The following USP9X variants were observed in gnomAD, a reference collection of about 807,000 sequenced individuals.
USP9X encodes ubiquitin specific peptidase 9 X-linked, also known as ubiquitin carboxyl-terminal hydrolase 9X.
A neutral mutation model predicts 190.3 loss-of-function variants in USP9X; 7 were observed. That is an observed-to-expected ratio of 0.04 (90% CI 0.02 to 0.07). The LOEUF (loss-of-function observed/expected upper bound fraction) is 0.07. Among genes scored for constraint, USP9X ranks in the 10% least tolerant of loss-of-function variants. USP9X has a pLI of 1.00. For synonymous variants in USP9X, 645 were observed against 659.5 expected, an observed-to-expected ratio of 0.98 and a Z score of 0.34; for missense variants, 1,010 against 1,916.9, an observed-to-expected ratio of 0.53 and a Z score of 8.83.
intron 21 of USP9X, 127 bp downstream of exon 21, chrX:41,172,085 C>T (rs967355327): frequency 1.5e-6 from 1 of 681,553 alleles, no homozygotes; most frequent in South Asian, 5.5e-5. Flanking sequence ...TGACAGCCCA[C>T]AAGCCACATC....
chrX:41,157,928 AAG>A (rs973297721), intron 14 of USP9X, among the ~76,000 whole-genome samples: 3 of 112,102 alleles, frequency 2.7e-5, no homozygotes, highest in African/African-American at 9.7e-5. Flanking sequence ...GAGGATAGTA[AAG>A]AGAAATTATT....
At chrX:41,155,029 C>G (rs2062564551) in intron 14 of USP9X, among the ~76,000 whole-genome samples, 1 of 111,715 alleles carries the variant, frequency 9.0e-6, no homozygotes, top group South Asian at 3.7e-4. Context: ...GTTTTTGCCT[C>G]TATAATAAAA....
At chrX:41,170,408 T>A in intron 19 of USP9X, 62 bp from the exon 20 acceptor site, 1 of 1,156,092 alleles carries the variant, frequency 8.6e-7, no homozygotes. Flanking sequence ...TATCACTAAG[T>A]TTTGTGTTTT....
At chrX:41,133,341 T>C (rs961317240) in intron 4 of USP9X, among the ~76,000 whole-genome samples, 5 of 111,826 alleles carry the variant, frequency 4.5e-5, no homozygotes, top group African/African-American at 1.6e-4. Flanking sequence ...GAAAATATCT[T>C]TTTTTATTTT....
rs759623425 is a variant in USP9X, at chrX:41,161,635, C to CTTTTTTTTT, written c.1898-1140_1898-1132dup. Among the ~76,000 whole-genome samples the CTTTTTTTTT allele has an allele frequency of 4.0e-4, 19 of 47,406 alleles. 2 individuals carry two copies. Among genetic ancestry groups the CTTTTTTTTT allele is most frequent in the East Asian group, 1.4e-3 (2 of 1,383 alleles). The allele number at this position is 47,406 out of a possible 115,157, so 41.2% of individuals were successfully genotyped here. A position where few individuals can be genotyped will look rare whatever the true frequency, so the allele number is the denominator to read the frequency against. ...ACAGGCGTGAGCCATGGCGCCCTGC[C>CTTTTTTTTT]TTTTTTTTTTTTTTTTTTTTTTTAA... On this transcript the variant is annotated intron_variant, in intron 14 of 44. Coordinates refer to ENST00000378308, the MANE Select transcript of USP9X (RefSeq NM_001039591.3).
In USP9X at chrX:41,164,118, G is replaced by C. The variant is rs192460455; in HGVS notation, c.1985+1241G>C. 3.6e-5 allele frequency among the ~76,000 whole-genome samples: 4 copies of C among 111,271 alleles called. No individual in the cohort carries two copies. The East Asian group carries it at 1.1e-3, about 31-fold the overall frequency. On this transcript the variant is annotated intron_variant, in intron 15 of 44. Transcript: ENST00000378308. Reference sequence around the variant, plus strand: ...TATCTCTTGACCTCGTGATCTGCCCGCCTCGGTCCCCCAAAGTGCTGGTAT... The same window carrying C: ...TATCTCTTGACCTCGTGATCTGCCCCCCTCGGTCCCCCAAAGTGCTGGTAT...
At chrX:41,171,185 T>C (rs1378628297) in intron 20 of USP9X, among the ~76,000 whole-genome samples, 1 of 111,579 alleles carries the variant, frequency 9.0e-6, no homozygotes, top group Non-Finnish European at 1.9e-5. Context: ...GAACTATATA[T>C]GAGCTGGGCA....
At chrX:41,212,475 AG>A (rs2063174662) in intron 33 of USP9X, among the ~76,000 whole-genome samples, 2 of 106,445 alleles carry the variant, frequency 1.9e-5, no homozygotes, top group African/African-American at 3.4e-5. Context: ...AAAAAAAAAA[AG>A]CCTAAAAAAA....
At chrX:41,196,476 G>A in intron 27 of USP9X, 116 bp from the exon 28 acceptor site, 1 of 1,073,224 alleles carries the variant, frequency 9.3e-7, no homozygotes, top group Non-Finnish European at 1.3e-6. Context: ...AATAAATGAA[G>A]TACTACTTTA....
intron 21 of USP9X, among the ~76,000 whole-genome samples, chrX:41,177,732 C>A (rs920352989): frequency 8.9e-5 from 10 of 111,892 alleles, no homozygotes; most frequent in Non-Finnish European, 1.9e-4. Context: ...GTCATCCTTT[C>A]TACATTTATT....
intron 1 of USP9X, among the ~76,000 whole-genome samples, chrX:41,117,259 C>G (rs1346433490): frequency 1.8e-5 from 2 of 111,757 alleles, no homozygotes; most frequent in Non-Finnish European, 3.8e-5. Context: ...CACACTGCCG[C>G]TTTTCCCATT....
intron 31 of USP9X, among the ~76,000 whole-genome samples, chrX:41,204,232 T>A (rs2063069892): frequency 8.9e-6 from 1 of 111,817 alleles, no homozygotes; most frequent in Admixed American, 9.5e-5. Flanking sequence ...CACTTGTTGA[T>A]CTTCTTTGTC....
In USP9X at chrX:41,170,509, C is replaced by A; in HGVS notation, c.2917C>A (p.Pro973Thr). 2 of 1,210,697 alleles carry A rather than the reference C, an allele frequency of 1.7e-6. No homozygotes were observed. The change falls in exon 20 of 45, where the codon CCT becomes ACT. Residue 973 changes from proline to threonine, a missense_variant. Pro to Thr is a conservative substitution (Grantham distance 38, BLOSUM62 -1). This residue lies in a region of USP9X where 351 missense variants were observed against 480.8 expected (regional missense o/e 0.73). Coordinates refer to ENST00000378308, the MANE Select transcript of USP9X (RefSeq NM_001039591.3). ...ACTTACACAGATAAGTTCCAATATG[C>A]CTTCAAGCCCTGATAGCTCTTCTGA... ...AKLTQISSNM[P>T]SSPDSSSDSS...
intron 1 of USP9X, among the ~76,000 whole-genome samples, chrX:41,088,106 C>G (rs922046166): frequency 8.9e-6 from 1 of 112,050 alleles, no homozygotes; most frequent in African/African-American, 3.2e-5. Flanking sequence ...GCCTCAGCCT[C>G]CCTGGTAGCT....
chrX:41,177,723 T>A (rs1218620619), intron 21 of USP9X, among the ~76,000 whole-genome samples: 2 of 112,338 alleles, frequency 1.8e-5, no homozygotes, highest in Non-Finnish European at 3.8e-5. Context: ...TTTAATTTTG[T>A]CATCCTTTCT....
Position 41,186,642 on chromosome X carries a change from G to A in USP9X, c.3684G>A (p.Glu1228=). ...GTCTTGCTCAGCAGATATCTGATGA[G>A]GTTAGTTTTATCAAGACTTCTGTCA... ...SVRLAQQISD[E]ASRYMPDICV... The change falls in exon 24 of 45, where the codon GAG becomes GAA. Residue 1228 remains glutamate (E), a splice_region_variant and synonymous_variant. Coordinates refer to ENST00000378308, the MANE Select transcript of USP9X (RefSeq NM_001039591.3). The A allele has an allele frequency of 8.3e-7, 1 of 1,209,614 alleles. No individual in the cohort carries two copies. The highest frequency in any genetic ancestry group is 1.1e-6 in the Non-Finnish European group (1 of 894,488).
At chrX:41,092,187 T>G (rs376618332) in intron 1 of USP9X, among the ~76,000 whole-genome samples, 1 of 111,858 alleles carries the variant, frequency 8.9e-6, no homozygotes, top group East Asian at 2.8e-4. Context: ...TTAGATCCCA[T>G]CTTCTACAGA....
In USP9X at chrX:41,179,200, T is replaced by G. The variant is rs193276642; in HGVS notation, c.3149-4798T>G. Among the ~76,000 whole-genome samples the G allele has an allele frequency of 2.7e-5, 3 of 111,951 alleles. No individual in the cohort carries two copies. In the East Asian group the frequency reaches 8.4e-4, roughly 31 times the overall value. ...GATTGATTCGGCTATTTGGAGTCTT[T>G]TGTAGTTCCATATGAATTTTAGGAG... is the stretch of plus-strand genomic sequence containing the variant. On this transcript the variant is annotated intron_variant, in intron 21 of 44. Transcript: ENST00000378308.
intron 32 of USP9X, among the ~76,000 whole-genome samples, chrX:41,207,660 T>G (rs938013450): frequency 2.7e-5 from 3 of 111,359 alleles, no homozygotes; most frequent in Non-Finnish European, 3.8e-5. Flanking sequence ...GTTTGGTTTG[T>G]TTTGTTTTGT....
Sources: allele counts gnomAD v4.1 joint callset (sites outside exome capture counted in the v4.1 genomes callset), GRCh38; gene constraint gnomAD v4.1.1; regional missense constraint gnomAD v4.1.1; transcripts MANE v1.5; gene names NCBI Gene and HGNC (gene_info 2026-07-23, HGNC 2026-07-21).